The following SOX6 variants were observed in gnomAD, a reference collection of about 807,000 sequenced individuals.
The protein encoded by SOX6 is SRY-box transcription factor 6, also known as transcription factor SOX-6.
Under a neutral mutation model 97.8 loss-of-function variants are expected in SOX6, and 11 were observed. The ratio of observed to expected loss-of-function variants is 0.11; its 90% CI spans 0.07 to 0.19. SOX6 has a LOEUF of 0.19. Ranked by LOEUF, SOX6 falls within the 10% of genes least tolerant of loss-of-function variation. SOX6 has a pLI of 1.00. For synonymous variants in SOX6, 360 were observed against 371.4 expected (o/e 0.97, Z 0.35); for missense variants, 810 against 1,039.5 (o/e 0.78, Z 3.04).
chr11:15,982,205 T>C (rs1179431552), intron 15 of SOX6, among the ~76,000 whole-genome samples: 1 of 152,206 alleles, frequency 6.6e-6, no homozygotes, highest in Middle Eastern at 3.4e-3. Flanking sequence ...TGTTTCACAT[T>C]CACATAAGCC....
At chr11:16,655,260 G>A (rs1590040818) in intron 3 of SOX6, among the ~76,000 whole-genome samples, 4 of 152,256 alleles carry the variant, frequency 2.6e-5, no homozygotes, top group African/African-American at 9.6e-5. Flanking sequence ...GTAAAGGTAA[G>A]ACACAAGAGA....
intron 4 of SOX6, among the ~76,000 whole-genome samples, chr11:16,198,277 T>C (rs949277952): frequency 2.7e-5 from 4 of 149,710 alleles, no homozygotes; most frequent in Non-Finnish European, 5.9e-5. Context: ...GGTTTCACCA[T>C]GTTGGCCAGG....
intron 2 of SOX6, among the ~76,000 whole-genome samples, chr11:16,338,494 C>T (rs1409020860): frequency 6.6e-6 from 1 of 151,848 alleles, no homozygotes; most frequent in Admixed American, 6.6e-5. Context: ...ACAGTTGTTA[C>T]AAAATATTGA....
At chr11:16,054,276 CATACTT>C (rs1847759195) in intron 10 of SOX6, among the ~76,000 whole-genome samples, 1 of 152,088 alleles carries the variant, frequency 6.6e-6, no homozygotes, top group Admixed American at 6.6e-5. Flanking sequence ...TTGATATACT[CATACTT>C]TAACAACTAC....
At chr11:16,617,261 C>T (rs1848482999) in intron 3 of SOX6, among the ~76,000 whole-genome samples, 1 of 151,806 alleles carries the variant, frequency 6.6e-6, no homozygotes, top group African/African-American at 2.4e-5. Context: ...CAACAATGAT[C>T]ATCCTCATGT....
Position 15,968,134 on chromosome 11 carries a change from T to C in SOX6, c.*4675A>G, listed in dbSNP as rs879194935. On this transcript the variant is annotated 3_prime_UTR_variant, in exon 16 of 16. Transcript: ENST00000683767. The stretch of plus-strand genomic sequence containing the variant: ...AAGTTGTTTATTAGGGAAGAAAACA[T>C]GTCAGGGAGCAGATGACTTAAGGAA... The C allele has an allele frequency of 1.3e-5, 2 of 152,178 alleles. No individual in the cohort carries two copies. Among genetic ancestry groups the C allele is most frequent in the Non-Finnish European group, 2.9e-5 (2 of 68,030 alleles). 9.4% of individuals were successfully genotyped at this position (152,178 alleles called of 1,614,324 possible). A position where few individuals can be genotyped will look rare whatever the true frequency, so the allele number is the denominator to read the frequency against.
chr11:16,261,573 G>A (rs1342132205), intron 3 of SOX6, among the ~76,000 whole-genome samples: 1 of 151,850 alleles, frequency 6.6e-6, no homozygotes, highest in Admixed American at 6.6e-5. Context: ...TTCTTCTGGG[G>A]TATATACTCT....
At chr11:16,151,026 A>G (rs1309593782) in intron 6 of SOX6, among the ~76,000 whole-genome samples, 1 of 152,156 alleles carries the variant, frequency 6.6e-6, no homozygotes, top group Non-Finnish European at 1.5e-5. Flanking sequence ...TTAACAATCA[A>G]TTTTATTTAA....
At chr11:16,476,794 C>A (rs1860259610), upstream of SOX6, among the ~76,000 whole-genome samples, 1 of 152,162 alleles carries the variant, frequency 6.6e-6, no homozygotes, top group Admixed American at 6.5e-5. Flanking sequence ...GACAGGAATA[C>A]CTTGTAGGTA....
At chr11:16,287,371 A>G (rs1341919015) in intron 3 of SOX6, among the ~76,000 whole-genome samples, 1 of 150,862 alleles carries the variant, frequency 6.6e-6, no homozygotes, top group East Asian at 1.9e-4. Context: ...ACCTCCTCAT[A>G]CCCTGAAGAC....
intron 12 of SOX6, among the ~76,000 whole-genome samples, chr11:16,025,827 A>G (rs1855201799): frequency 6.6e-6 from 1 of 152,184 alleles, no homozygotes; most frequent in African/African-American, 2.4e-5. Flanking sequence ...AGCATATTGT[A>G]TCTCCTAAGA....
chr11:16,133,788 A>G (rs1360988413), intron 6 of SOX6, among the ~76,000 whole-genome samples: 1 of 152,152 alleles, frequency 6.6e-6, no homozygotes, highest in African/African-American at 2.4e-5. Context: ...TCCCAGGTTC[A>G]AGCGATTCTC....
intron 4 of SOX6, among the ~76,000 whole-genome samples, chr11:16,601,733 A>T (rs980969884): frequency 2.0e-5 from 3 of 152,178 alleles, no homozygotes; most frequent in Non-Finnish European, 2.9e-5. Context: ...AATATAAGAT[A>T]GACATGTGTA....
At chr11:16,283,526 C>T (rs1450018192) in intron 3 of SOX6, among the ~76,000 whole-genome samples, 1 of 151,540 alleles carries the variant, frequency 6.6e-6, no homozygotes, top group Non-Finnish European at 1.5e-5. Context: ...CCATAATTTT[C>T]AAAAGAAGTT....
intron 6 of SOX6, among the ~76,000 whole-genome samples, chr11:16,125,816 T>TAAGGA (rs1455280473): frequency 1.0e-5 from 1 of 99,622 alleles, no homozygotes; most frequent in Non-Finnish European, 2.1e-5. Flanking sequence ...AAAGAAATCA[T>TAAGGA]AGGAAGGAAG....
Position 16,062,280 on chromosome 11 carries a change from A to C in SOX6, c.1102-6379T>G, listed in dbSNP as rs528978268. 1.3e-4 allele frequency among the ~76,000 whole-genome samples: 20 copies of C among 151,768 alleles called. No individual in the cohort carries two copies. The East Asian group carries it at 3.9e-3, about 29-fold the overall frequency. ...TAACAGTCTAGTTAATAACAAAAAA[A>C]AACTATTTATTCTAACCAAATAGCT... is the stretch of plus-strand genomic sequence containing the variant. On this transcript the variant is annotated intron_variant, in intron 9 of 15. Coordinates refer to ENST00000683767, the MANE Select transcript of SOX6 (RefSeq NM_001367873.1).
At chr11:16,373,688 C>T (rs886392668) in intron 1 of SOX6, among the ~76,000 whole-genome samples, 1 of 151,622 alleles carries the variant, frequency 6.6e-6, no homozygotes, top group Non-Finnish European at 1.5e-5. Context: ...GTGCTTAACT[C>T]TAATCCTTAA....
At position 15,972,946 on chromosome 11, in the gene SOX6, T is replaced by C. The variant is rs1853361151; in HGVS notation, c.2350A>G (p.Thr784Ala). 1.2e-6 allele frequency: 2 copies of C among 1,614,092 alleles called. No homozygotes were observed. The highest frequency in any genetic ancestry group is 2.7e-5 in the African/African-American group (2 of 74,940). The change falls in exon 16 of 16, where the codon ACA becomes GCA. Residue 784 changes from threonine to alanine, a missense_variant. By Grantham distance (58) the Thr-to-Ala change is moderately conservative (BLOSUM62 0). Around this residue, in one of 9 missense-constraint regions of SOX6, gnomAD observed 122 missense variants for 153.4 expected, o/e 0.80. Coordinates refer to ENST00000683767, the MANE Select transcript of SOX6 (RefSeq NM_001367873.1). ...PVIQSTYGMK[T>A]DGGSLAGNEM... is the part of the protein sequence containing the mutation. ...TTTCCAGCTAGGCTTCCGCCATCTG[T>C]CTTCATACCATAAGTGCTCTGGATG... is the stretch of plus-strand genomic sequence containing the variant.
At chr11:15,975,661 G>A (rs1156946145) in intron 15 of SOX6, among the ~76,000 whole-genome samples, 2 of 152,130 alleles carry the variant, frequency 1.3e-5, no homozygotes, top group African/African-American at 4.8e-5. Flanking sequence ...CTGAGAGGTA[G>A]GTATCATTTT....
Sources: gnomAD v4.1 joint callset for allele counts (sites outside exome capture counted in the v4.1 genomes callset) on GRCh38, gnomAD v4.1.1 for gene constraint, gnomAD v4.1.1 regional missense constraint, MANE v1.5 for transcripts, NCBI Gene and HGNC (gene_info 2026-07-23, HGNC 2026-07-21) for gene names.